The following CDV3 variants were observed in gnomAD, a reference collection of about 807,000 sequenced individuals.
CDV3 encodes protein CDV3 homolog.
Under a neutral mutation model 24.5 loss-of-function variants are expected in CDV3, and 14 were observed. The observed-to-expected ratio is 0.57, with a 90% CI of 0.38 to 0.89. CDV3 has a LOEUF of 0.89. Among genes scored for constraint, CDV3 ranks in the 40% least tolerant of loss-of-function variants. The pLI is 0.00. For missense variants in CDV3, 304 were observed against 310.2 expected, an observed-to-expected ratio of 0.98 and a Z score of 0.15; for synonymous variants, 114 against 114.1, an observed-to-expected ratio of 1.00 and a Z score of 0.00.
chr3:133,575,247 G>T, intron 2 of CDV3, 132 bp downstream of exon 2: 1 of 574,878 alleles, frequency 1.7e-6, no homozygotes, highest in Non-Finnish European at 3.2e-6. Context: ...GACTCAAATG[G>T]GTTCTGTCTA....
Position 133,574,243 on chromosome 3 carries a change from G to T in CDV3, c.199G>T (p.Gly67Trp). Residue 67 changes from glycine (G) to tryptophan (W), a missense_variant, in exon 1 of 5, where the codon GGG becomes TGG. Physicochemically the swap from Gly to Trp is radical, Grantham distance 184 (BLOSUM62 -2). Coordinates refer to ENST00000264993, the MANE Select transcript of CDV3 (RefSeq NM_017548.5). ...GGGTGACGGCGGGACCGCCAGCGCGGGGGCTGCGGGCCCAGGGGCCGCCAC... is the reference window on the plus strand; with the variant it reads ...GGGTGACGGCGGGACCGCCAGCGCGTGGGCTGCGGGCCCAGGGGCCGCCAC... ...RPGDGGTASA[G>W]AAGPGAATKA... 1 of 991,862 alleles carries T rather than the reference G, an allele frequency of 1.0e-6. No homozygotes were observed. The highest frequency in any genetic ancestry group is 1.2e-6 in the Non-Finnish European group (1 of 835,244). The allele number at this position is 991,862 out of a possible 1,614,324, so 61.4% of individuals were successfully genotyped here. A position where few individuals can be genotyped will look rare whatever the true frequency, so the allele number is the denominator to read the frequency against.
intron 2 of CDV3, among the ~76,000 whole-genome samples, chr3:133,576,606 A>G (rs1450404295): frequency 1.3e-5 from 2 of 152,212 alleles, no homozygotes; most frequent in South Asian, 2.1e-4. Context: ...ACTGAGGATT[A>G]GAAATTGATT....
intron 2 of CDV3, among the ~76,000 whole-genome samples, chr3:133,577,275 C>T (rs1182147474): frequency 6.6e-6 from 1 of 152,116 alleles, no homozygotes; most frequent in Non-Finnish European, 1.5e-5. Flanking sequence ...GTTCTTCACT[C>T]AGATCCACCA....
At chr3:133,581,241 A>T (rs1463853602) in intron 2 of CDV3, among the ~76,000 whole-genome samples, 2 of 151,946 alleles carry the variant, frequency 1.3e-5, no homozygotes, top group African/African-American at 4.8e-5. Context: ...AAATTAGCCA[A>T]TTGTGGTGGT....
At position 133,573,948 on chromosome 3, in the gene CDV3, C is replaced by T; in HGVS notation, c.-97C>T. The T allele has an allele frequency of 1.0e-6, 1 of 962,888 alleles. No homozygotes were observed. The highest frequency in any genetic ancestry group is 4.8e-5 in the South Asian group (1 of 20,908). The allele number at this position is 962,888 out of a possible 1,614,324, so 59.6% of individuals were successfully genotyped here. ...GGGGCTGAGGCGTCGCCGCGCCCGG[C>T]AGCGTGAGCGCAGAGCCGGCCTCGA... On this transcript the variant is annotated 5_prime_UTR_variant, in exon 1 of 5. Transcript: ENST00000264993.
chr3:133,579,406 G>A (rs753640526), intron 2 of CDV3, among the ~76,000 whole-genome samples: 3 of 152,132 alleles, frequency 2.0e-5, no homozygotes, highest in Non-Finnish European at 4.4e-5. Context: ...GGAAATAACC[G>A]TTTGGAACGT....
At chr3:133,576,840 G>GTTTTTTTTTTTTTTTT (rs1378596698) in intron 2 of CDV3, among the ~76,000 whole-genome samples, 3 of 26,058 alleles carry the variant, frequency 1.2e-4, no homozygotes, top group African/African-American at 2.6e-4. Context: ...AGGTAGACTA[G>GTTTTTTTTTTTTTTTT]CTTTTTTTTT....
intron 4 of CDV3, chr3:133,587,068 A>T: frequency 1.6e-6 from 1 of 627,724 alleles, no homozygotes; most frequent in South Asian, 4.1e-5. Flanking sequence ...AGAAATATAA[A>T]AGCGCTGTTT....
At chr3:133,583,429 CCTT>C (rs1337323056) in intron 2 of CDV3, among the ~76,000 whole-genome samples, 29 of 152,322 alleles carry the variant, frequency 1.9e-4, no homozygotes, top group African/African-American at 5.5e-4. Context: ...CTTCAGCTCA[CCTT>C]CTTCTCTGCA....
At chr3:133,574,969 G>C in intron 1 of CDV3, 70 bp from the exon 2 acceptor site, 1 of 963,792 alleles carries the variant, frequency 1.0e-6, no homozygotes, top group Non-Finnish European at 1.7e-6. Context: ...TCCACTTTTC[G>C]TAGTGTGTTA....
At position 133,588,206 on chromosome 3, in the gene CDV3, T is replaced by G; in HGVS notation, c.*160T>G. ...ACTATGGAAGTTAAAGTGTCACGAC[T>G]GCTCTATGCATATTGGATTTAGGGG... On this transcript the variant is annotated 3_prime_UTR_variant, in exon 5 of 5. Transcript: ENST00000264993. 1.3e-6 allele frequency: 2 copies of G among 1,529,178 alleles called. No individual in the cohort carries two copies. The allele number at this position is 1,529,178 out of a possible 1,614,324, so 94.7% of individuals were successfully genotyped here.
At position 133,588,154 on chromosome 3, in the gene CDV3, A is replaced by G; in HGVS notation, c.*108A>G. Reference sequence around the variant, plus strand: ...GGATCTACAGACACCGATGCAGACCACTCGATTTCATGACCGGCCCTATTG... The same window carrying G: ...GGATCTACAGACACCGATGCAGACCGCTCGATTTCATGACCGGCCCTATTG... On this transcript the variant is annotated 3_prime_UTR_variant, in exon 5 of 5. Coordinates refer to ENST00000264993, the MANE Select transcript of CDV3 (RefSeq NM_017548.5). The G allele has an allele frequency of 6.4e-7, 1 of 1,553,460 alleles. No individual in the cohort carries two copies. Among genetic ancestry groups the G allele is most frequent in the South Asian group, 1.2e-5 (1 of 80,150 alleles).
At chr3:133,582,231 A>C (rs1248138294) in intron 2 of CDV3, among the ~76,000 whole-genome samples, 1 of 152,148 alleles carries the variant, frequency 6.6e-6, no homozygotes, top group Non-Finnish European at 1.5e-5. Context: ...GTCTTGGCCC[A>C]CTACAACCTC....
intron 2 of CDV3, among the ~76,000 whole-genome samples, chr3:133,575,430 C>T (rs1576633133): frequency 6.6e-6 from 1 of 152,296 alleles, no homozygotes; most frequent in East Asian, 1.9e-4. Flanking sequence ...GGTGATTGTA[C>T]TTAGTTTTGG....
At chr3:133,583,468 C>T (rs1442861007) in intron 2 of CDV3, among the ~76,000 whole-genome samples, 1 of 152,192 alleles carries the variant, frequency 6.6e-6, no homozygotes, top group African/African-American at 2.4e-5. Flanking sequence ...TCCTCTCTTC[C>T]CTCCCTTAGT....
In CDV3 at chr3:133,573,978, G is replaced by A. The variant is rs1241761721; in HGVS notation, c.-67G>A. On this transcript the variant is annotated 5_prime_UTR_variant, in exon 1 of 5. Transcript: ENST00000264993. ...TGAGCGCAGAGCCGGCCTCGACCCC[G>A]AGCTCGGAGCCCCGCGGGCCGCGCC... The A allele has an allele frequency of 3.8e-5, 38 of 1,006,168 alleles. 1 individual carries two copies. Among genetic ancestry groups the A allele is most frequent in the Non-Finnish European group, 3.9e-5 (33 of 844,826 alleles). 62.3% of individuals were successfully genotyped at this position (1,006,168 alleles called of 1,614,324 possible).
intron 4 of CDV3, 59 bp downstream of exon 4, chr3:133,586,781 G>C: frequency 1.9e-6 from 2 of 1,038,712 alleles, no homozygotes; most frequent in Non-Finnish European, 3.0e-6. Flanking sequence ...CCAGGGAGTG[G>C]GATATAGGGG....
chr3:133,576,587 T>TTCA (rs1349582220), intron 2 of CDV3, among the ~76,000 whole-genome samples: 3 of 152,224 alleles, frequency 2.0e-5, no homozygotes, highest in African/African-American at 7.2e-5. Context: ...AAATTTTGGT[T>TTCA]TCAAGTTCAC....
In CDV3 at chr3:133,589,890, T is replaced by C. The variant is rs924912579; in HGVS notation, c.*1844T>C. 6.6e-6 allele frequency: 1 copy of C among 152,290 alleles called. No homozygotes were observed. Among genetic ancestry groups the C allele is most frequent in the East Asian group, 1.9e-4 (1 of 5,174 alleles). The allele number at this position is 152,290 out of a possible 1,614,324, so 9.4% of individuals were successfully genotyped here. On this transcript the variant is annotated 3_prime_UTR_variant, in exon 5 of 5. Transcript: ENST00000264993. ...GGGATTCTTGGTAAACTGAAGACTT[T>C]TATTTGGGAATGAAAAACCTTAAAA...
Sources: allele counts gnomAD v4.1 joint callset (sites outside exome capture counted in the v4.1 genomes callset), GRCh38; gene constraint gnomAD v4.1.1; transcripts MANE v1.5; gene names NCBI Gene and HGNC (gene_info 2026-07-23, HGNC 2026-07-21).